ORC2: variants seen among roughly 807,000 people sequenced by gnomAD.
ORC2 encodes origin recognition complex protein 2 homolog.
Under a neutral mutation model 77.7 loss-of-function variants are expected in ORC2, and 37 were observed. The ratio of observed to expected loss-of-function variants is 0.48; its 90% CI spans 0.37 to 0.63. The LOEUF is 0.63. Ranked by LOEUF, ORC2 falls within the 20% of genes least tolerant of loss-of-function variation. The probability of loss-of-function intolerance (pLI) is 0.00; values close to 1 mark genes in which losing one functional copy is unlikely to be tolerated. For synonymous variants in ORC2, 201 were observed against 229.5 expected (o/e 0.88, Z 1.12); for missense variants, 557 against 661.9 (o/e 0.84, Z 1.74).
At chr2:200,924,584 T>C (rs1415251253) in intron 13 of ORC2, among the ~76,000 whole-genome samples, 5 of 152,164 alleles carry the variant, frequency 3.3e-5, no homozygotes, top group South Asian at 2.1e-4. Flanking sequence ...TTCTCTTAAT[T>C]CTTAATTTAG....
chr2:200,941,514 CAA>C (rs2041152440), intron 6 of ORC2, among the ~76,000 whole-genome samples: 1 of 144,200 alleles, frequency 6.9e-6, no homozygotes, highest in East Asian at 2.0e-4. Context: ...AAAAAAAAAG[CAA>C]AGTTGCAGCT....
In ORC2 at chr2:200,911,230, A is replaced by G. The variant is rs1296138201; in HGVS notation, c.*71T>C. On this transcript the variant is annotated 3_prime_UTR_variant, in exon 18 of 18. Transcript: ENST00000234296. The stretch of plus-strand genomic sequence containing the variant: ...TAATTTAATGTCAGATGTAAACACA[A>G]CACTTTCAACTAGAGGAGTGGCAGC... 1.1e-6 allele frequency: 1 copy of G among 878,276 alleles called. No individual in the cohort carries two copies. Among genetic ancestry groups the G allele is most frequent in the African/African-American group, 1.7e-5 (1 of 59,672 alleles). 54.4% of individuals were successfully genotyped at this position (878,276 alleles called of 1,614,324 possible).
At position 200,958,017 on chromosome 2, in the gene ORC2, A is replaced by C. The variant is rs2041503000; in HGVS notation, c.94+13T>G. ...TAATAAGCATCTCTTCAAATTGTAC[A>C]ATCACTTAATACCTCCTTCTCTATC... On this transcript the variant is annotated intron_variant, in intron 3 of 17. Transcript: ENST00000234296. 7 of 1,470,334 alleles carry C rather than the reference A, an allele frequency of 4.8e-6. No individual in the cohort carries two copies. The highest frequency in any genetic ancestry group is 6.6e-6 in the Non-Finnish European group (7 of 1,052,676). 91.1% of individuals were successfully genotyped at this position (1,470,334 alleles called of 1,614,324 possible). A position where few individuals can be genotyped will look rare whatever the true frequency, so the allele number is the denominator to read the frequency against.
At chr2:200,923,271 C>T (rs139716562) in intron 13 of ORC2, among the ~76,000 whole-genome samples, 32 of 152,204 alleles carry the variant, frequency 2.1e-4, no homozygotes, top group Admixed American at 9.2e-4. Context: ...TTTTTGGAGA[C>T]GGAGTCTCGC....
In ORC2 at chr2:200,952,483, G is replaced by A. The variant is rs545276515; in HGVS notation, c.239-2840C>T. Among the ~76,000 whole-genome samples the A allele has an allele frequency of 5.3e-5, 8 of 151,982 alleles. No homozygotes were observed. In the East Asian group the frequency reaches 5.8e-4, roughly 11 times the overall value. On this transcript the variant is annotated intron_variant, in intron 4 of 17. Transcript: ENST00000234296. ...TCACTGTGTTAGCCAGGATGGTCTCGATCTCCTGACCTCATGATCCACCCA... is the reference window on the plus strand; with the variant it reads ...TCACTGTGTTAGCCAGGATGGTCTCAATCTCCTGACCTCATGATCCACCCA...
At chr2:200,937,424 G>C (rs2041067267) in intron 8 of ORC2, among the ~76,000 whole-genome samples, 1 of 152,132 alleles carries the variant, frequency 6.6e-6, no homozygotes, top group Non-Finnish European at 1.5e-5. Context: ...ATGTTAGGCT[G>C]AATTTAACAA....
At chr2:200,947,419 A>C in intron 5 of ORC2, among the ~76,000 whole-genome samples, 1 of 152,300 alleles carries the variant, frequency 6.6e-6, no homozygotes, top group East Asian at 1.9e-4. Flanking sequence ...TCAACATTTA[A>C]CATATTTTAT....
intron 5 of ORC2, among the ~76,000 whole-genome samples, chr2:200,943,803 T>G (rs1008845971): frequency 2.0e-5 from 3 of 151,568 alleles, no homozygotes; most frequent in Non-Finnish European, 4.4e-5. Context: ...TCACTAAGTT[T>G]TTTTTTTTTT....
chr2:200,956,240 T>C (rs1415366996), intron 4 of ORC2, among the ~76,000 whole-genome samples: 1 of 151,786 alleles, frequency 6.6e-6, no homozygotes, highest in African/African-American at 2.4e-5. Flanking sequence ...TAGTTTTATT[T>C]TTTTTTTGAG....
intron 4 of ORC2, among the ~76,000 whole-genome samples, chr2:200,952,220 T>C (rs1428215891): frequency 6.6e-6 from 1 of 151,678 alleles, no homozygotes; most frequent in Non-Finnish European, 1.5e-5. Flanking sequence ...GAATATATAA[T>C]TAGAATATAG....
At chr2:200,927,643 T>A (rs925136809) in intron 11 of ORC2, among the ~76,000 whole-genome samples, 1 of 148,296 alleles carries the variant, frequency 6.7e-6, no homozygotes, top group Non-Finnish European at 1.5e-5. Context: ...TGAGCCGAGA[T>A]CCCGCCACTG....
rs1300475052 is a variant in ORC2 at position 200,921,095 on chromosome 2, G to T, written c.1192C>A (p.Gln398Lys). 2 of 1,607,416 alleles carry T rather than the reference G, an allele frequency of 1.2e-6. No individual in the cohort carries two copies. Among genetic ancestry groups the T allele is most frequent in the Non-Finnish European group, 1.7e-6 (2 of 1,175,814 alleles). Residue 398 changes from glutamine to lysine, a missense_variant, in exon 14 of 18, where the codon CAG (glutamine) becomes AAG (lysine). Transcript: ENST00000234296. ...LFLLIHNLDS[Q>K]MLRGEKSQQI... Reference sequence around the variant, plus strand: ...TGGCTCTTCTCTCCTCTCAACATCTGGCTATCCAAATTGTGGATGAGAAGG... The same window carrying T: ...TGGCTCTTCTCTCCTCTCAACATCTTGCTATCCAAATTGTGGATGAGAAGG...
At chr2:200,916,475 T>C (rs76816794) in intron 15 of ORC2, among the ~76,000 whole-genome samples, 3,115 of 151,416 alleles carry the variant, frequency 0.021, 110 homozygotes, top group African/African-American at 0.07. Flanking sequence ...ACACCATGAG[T>C]CTCCATCTCA....
intron 15 of ORC2, among the ~76,000 whole-genome samples, chr2:200,916,175 T>C (rs1377978474): frequency 6.6e-6 from 1 of 152,156 alleles, no homozygotes; most frequent in Non-Finnish European, 1.5e-5. Flanking sequence ...CATTTAGGCA[T>C]GCCAAACTAA....
intron 13 of ORC2, among the ~76,000 whole-genome samples, chr2:200,924,941 G>T (rs564590274): frequency 8.9e-4 from 136 of 151,970 alleles, no homozygotes; most frequent in African/African-American, 3.2e-3. Context: ...TTGTATTTTT[G>T]TAGAGATGGG....
chr2:200,920,528 T>C (rs1397982248), intron 14 of ORC2, 135 bp from the exon 15 acceptor site: 1 of 550,850 alleles, frequency 1.8e-6, no homozygotes, highest in East Asian at 3.1e-5. Flanking sequence ...GCCACTTCCA[T>C]ATCTAAATCA....
intron 8 of ORC2, 135 bp from the exon 9 acceptor site, chr2:200,936,027 C>G: frequency 3.3e-6 from 2 of 608,628 alleles, no homozygotes; most frequent in Admixed American, 6.7e-5. Flanking sequence ...ATGATTTCAC[C>G]AGAGCTAATT....
intron 8 of ORC2, among the ~76,000 whole-genome samples, chr2:200,936,643 G>A (rs2041052111): frequency 6.6e-6 from 1 of 152,096 alleles, no homozygotes. Flanking sequence ...TTCTGTTGCT[G>A]CCTACTGAAA....
chr2:200,933,350 CAA>C (rs2040976821), intron 10 of ORC2, among the ~76,000 whole-genome samples: 1 of 150,400 alleles, frequency 6.6e-6, no homozygotes, highest in South Asian at 2.1e-4. Flanking sequence ...CTACTTTGTG[CAA>C]AGTTTTTAAC....
Sources: allele counts gnomAD v4.1 joint callset (sites outside exome capture counted in the v4.1 genomes callset), GRCh38; gene constraint gnomAD v4.1.1; transcripts MANE v1.5; gene names NCBI Gene and HGNC (gene_info 2026-07-23, HGNC 2026-07-21).